The following ASCC1 variants were observed in gnomAD, a reference collection of about 807,000 sequenced individuals.
ASCC1 encodes activating signal cointegrator 1 complex subunit 1.
ASCC1 carries 35 observed loss-of-function variants against 46.6 expected under a neutral mutation model. The ratio of observed to expected loss-of-function variants is 0.75; its 90% confidence interval spans 0.57 to 0.99. The LOEUF is 0.99. Ranked by LOEUF, ASCC1 falls within the 50% of genes least tolerant of loss-of-function variation. The probability of loss-of-function intolerance (pLI) is 0.00; values close to 1 mark genes in which losing one functional copy is unlikely to be tolerated. For missense variants in ASCC1, 376 were observed against 428.7 expected (o/e 0.88, Z 1.09); for synonymous variants, 143 against 146.6 (o/e 0.98, Z 0.18).
chr10:72,168,857 T>C (rs1850707333), intron 5 of ASCC1, among the ~76,000 whole-genome samples: 1 of 152,206 alleles, frequency 6.6e-6, no homozygotes, highest in South Asian at 2.1e-4. Flanking sequence ...GCCAGCACCT[T>C]GATCTTAGTC....
At chr10:72,128,647 A>G (rs1318553881) in intron 8 of ASCC1, among the ~76,000 whole-genome samples, 5 of 152,222 alleles carry the variant, frequency 3.3e-5, no homozygotes, top group Non-Finnish European at 5.9e-5. Context: ...CTTCCCCCAG[A>G]GGAAAAAGAG....
rs192027839 is a variant in ASCC1, at chr10:72,127,837, C to G, written c.957+245G>C. Among the ~76,000 whole-genome samples, 11 of 152,134 alleles carry G rather than the reference C, an allele frequency of 7.2e-5. 1 individual carries two copies. The highest frequency in any genetic ancestry group is 7.2e-4 in the Admixed American group (11 of 15,282). On this transcript the variant is annotated intron_variant, in intron 9 of 9. Coordinates refer to ENST00000672957, the MANE Select transcript of ASCC1 (RefSeq NM_001198800.3). ...CACCACTGCACTCCAGCGTGAGCAA[C>G]AGAGCGAGACACTGTCTCAGATAAA...
intron 7 of ASCC1, among the ~76,000 whole-genome samples, chr10:72,138,596 CTTTCTTTTTTTTT>C (rs1231936378): frequency 3.0e-5 from 4 of 133,298 alleles, no homozygotes; most frequent in African/African-American, 1.2e-4. Context: ...TTCTTTCTTT[CTTTCTTTTTTTTT>C]TTTTTTTTTT....
intron 2 of ASCC1, among the ~76,000 whole-genome samples, chr10:72,211,848 G>C (rs924948698): frequency 6.6e-6 from 1 of 151,302 alleles, no homozygotes; most frequent in Non-Finnish European, 1.5e-5. Context: ...TTGGAAAAAA[G>C]TCAGTAAAAT....
chr10:72,107,302 A>AC (rs143451737), intron 9 of ASCC1, among the ~76,000 whole-genome samples: 22,060 of 141,298 alleles, frequency 0.16, 2,034 homozygotes, highest in Non-Finnish European at 0.21. Flanking sequence ...CAAATAAGTT[A>AC]CCCCCCCCCC....
intron 4 of ASCC1, among the ~76,000 whole-genome samples, chr10:72,197,499 C>T (rs1176610925): frequency 1.3e-5 from 2 of 148,166 alleles, no homozygotes; most frequent in Non-Finnish European, 3.0e-5. Flanking sequence ...AAAAGAATAT[C>T]CTTAAGACAG....
chr10:72,133,338 C>T, intron 7 of ASCC1, 157 bp from the exon 8 acceptor site: 1 of 709,084 alleles, frequency 1.4e-6, no homozygotes, highest in Admixed American at 2.2e-5. Context: ...CTCCCACCAT[C>T]ATGGAGCTAA....
intron 4 of ASCC1, 145 bp downstream of exon 4, chr10:72,203,282 G>C: frequency 1.5e-6 from 1 of 668,994 alleles, no homozygotes. Context: ...GCAAAACTCC[G>C]TCTCAAAAAA....
intron 9 of ASCC1, among the ~76,000 whole-genome samples, chr10:72,125,406 A>AT (rs1016127375): frequency 1.3e-5 from 2 of 152,004 alleles, no homozygotes; most frequent in Non-Finnish European, 2.9e-5. Flanking sequence ...AGTGAAATTG[A>AT]TTTTTTTTCT....
At chr10:72,108,631 A>G (rs946364660) in intron 9 of ASCC1, among the ~76,000 whole-genome samples, 1 of 152,116 alleles carries the variant, frequency 6.6e-6, no homozygotes, top group Non-Finnish European at 1.5e-5. Context: ...CTGAGTTCTG[A>G]TCCTTTCCAT....
intron 5 of ASCC1, among the ~76,000 whole-genome samples, chr10:72,195,144 T>G (rs1446739024): frequency 1.5e-5 from 2 of 133,118 alleles, no homozygotes; most frequent in African/African-American, 5.8e-5. Flanking sequence ...GCTGTGTTTT[T>G]TTTTTTTTTT....
At chr10:72,195,321 T>C (rs561807313) in intron 5 of ASCC1, among the ~76,000 whole-genome samples, 3 of 151,606 alleles carry the variant, frequency 2.0e-5, no homozygotes, top group Non-Finnish European at 4.4e-5. Flanking sequence ...AATTTTTGTA[T>C]TTTTTGTAGA....
chr10:72,210,900 T>G (rs979719817), intron 2 of ASCC1, 69 bp from the exon 3 acceptor site: 31 of 1,437,896 alleles, frequency 2.2e-5, no homozygotes, highest in Non-Finnish European at 2.9e-5. Context: ...TCGCCTCAGC[T>G]GTCAACCGCT....
intron 9 of ASCC1, among the ~76,000 whole-genome samples, chr10:72,120,414 C>T (rs1451550031): frequency 6.6e-6 from 1 of 151,782 alleles, no homozygotes; most frequent in African/African-American, 2.4e-5. Context: ...ACAGAATATC[C>T]AAGAACTGTG....
intron 5 of ASCC1, among the ~76,000 whole-genome samples, chr10:72,172,542 C>T (rs1457913632): frequency 6.9e-6 from 1 of 144,650 alleles, no homozygotes; most frequent in South Asian, 2.2e-4. Context: ...AATGGGGTTG[C>T]GCTATGTTGA....
intron 2 of ASCC1, 28 bp downstream of exon 2, chr10:72,213,159 T>C (rs1358559043): frequency 1.5e-5 from 23 of 1,490,222 alleles, no homozygotes; most frequent in Non-Finnish European, 2.1e-5. Context: ...TTTTACTTCT[T>C]ATCTGACCAA....
At position 72,110,101 on chromosome 10, in the gene ASCC1, C is replaced by T. The variant is rs549386453; in HGVS notation, c.958-12651G>A. On this transcript the variant is annotated intron_variant, in intron 9 of 9. Coordinates refer to ENST00000672957, the MANE Select transcript of ASCC1 (RefSeq NM_001198800.3). Reference sequence around the variant, plus strand: ...GCAACCCTAAGGGCAGGTGCCCTTTCAGAACTAATCTAGATGATGTTTCTG... The same window carrying T: ...GCAACCCTAAGGGCAGGTGCCCTTTTAGAACTAATCTAGATGATGTTTCTG... Among the ~76,000 whole-genome samples the T allele has an allele frequency of 3.9e-5, 6 of 152,356 alleles. No homozygotes were observed. The East Asian group carries it at 1.2e-3, about 29-fold the overall frequency.
At chr10:72,099,464 G>C (rs1038096300) in intron 9 of ASCC1, among the ~76,000 whole-genome samples, 3 of 152,140 alleles carry the variant, frequency 2.0e-5, no homozygotes, top group African/African-American at 7.2e-5. Flanking sequence ...GTGGACAGAA[G>C]GCACCACCCA....
At chr10:72,136,177 T>C (rs1049507072) in intron 7 of ASCC1, among the ~76,000 whole-genome samples, 1 of 151,960 alleles carries the variant, frequency 6.6e-6, no homozygotes, top group African/African-American at 2.4e-5. Context: ...TAAATGCCAC[T>C]GAGAGGTTAA....
Sources: gnomAD v4.1 joint callset for allele counts (sites outside exome capture counted in the v4.1 genomes callset) on GRCh38, gnomAD v4.1.1 for gene constraint, MANE v1.5 for transcripts, NCBI Gene and HGNC (gene_info 2026-07-23, HGNC 2026-07-21) for gene names.